Variants in GC observed in about 807,000 individuals in gnomAD.
GC encodes GC vitamin D binding protein.
A neutral mutation model predicts 56.7 loss-of-function variants in GC; 43 were observed. The observed-to-expected ratio is 0.76, with a 90% CI of 0.59 to 0.98. The LOEUF is 0.98. GC is among the 50% of genes least tolerant of loss of function. The probability of loss-of-function intolerance (pLI) is 0.00; values close to 1 mark genes in which losing one functional copy is unlikely to be tolerated. For synonymous variants in GC, 216 were observed against 202.7 expected (o/e 1.07, Z -0.56); for missense variants, 529 against 545.9 (o/e 0.97, Z 0.31).
chr4:71,742,065 T>G (rs1246071627), intron 12 of GC, among the ~76,000 whole-genome samples, 195 bp from the exon 13 acceptor site: 2 of 152,152 alleles, frequency 1.3e-5, no homozygotes, highest in Admixed American at 1.3e-4. Context: ...GTTAAGACAG[T>G]CCAAATACCA....
intron 3 of GC, among the ~76,000 whole-genome samples, chr4:71,767,803 C>T (rs1323811485): frequency 6.6e-6 from 1 of 151,410 alleles, no homozygotes; most frequent in African/African-American, 2.4e-5. Flanking sequence ...GTTTTTTATC[C>T]CTCACCCCCT....
chr4:71,787,411 C>T (rs919463851), upstream of GC, among the ~76,000 whole-genome samples: 13 of 151,824 alleles, frequency 8.6e-5, no homozygotes, highest in South Asian at 6.2e-4. Context: ...CTCTATTTTA[C>T]GTGTCTGTTG....
At chr4:71,805,168 A>C (rs957621633), upstream of GC, among the ~76,000 whole-genome samples, 1 of 152,128 alleles carries the variant, frequency 6.6e-6, no homozygotes, top group Non-Finnish European at 1.5e-5. Context: ...AGGTCCCTTA[A>C]TTGAGCCTGG....
At chr4:71,763,362 G>T in intron 6 of GC, 46 bp downstream of exon 6, 1 of 988,924 alleles carries the variant, frequency 1.0e-6, no homozygotes, top group South Asian at 1.3e-5. Flanking sequence ...TGGATAGACA[G>T]TGCAGAACCA....
rs773813110 is a variant in GC, at chr4:71,765,590, G to A, written c.315C>T (p.His105=). ...SCESNSPFPV[H]PGTAECCTKE... ...TGGTGCAGCACTCAGCAGTGCCTGG[G>A]TGAACGGGGAATGGAGAATTACTTT... is the stretch of plus-strand genomic sequence containing the variant. Residue 105 remains histidine, a synonymous_variant, in exon 4 of 13, where the codon CAC becomes CAT. Coordinates refer to ENST00000273951, the MANE Select transcript of GC (RefSeq NM_000583.4). 9 of 1,613,694 alleles carry A rather than the reference G, an allele frequency of 5.6e-6. No individual in the cohort carries two copies. The South Asian group carries it at 8.8e-5, about 16-fold the overall frequency.
chr4:71,764,170 T>C (rs1578296869), intron 4 of GC, among the ~76,000 whole-genome samples: 1 of 152,062 alleles, frequency 6.6e-6, no homozygotes, highest in African/African-American at 2.4e-5. Context: ...CTTGTATAAA[T>C]TAGGTCTCAC....
At position 71,756,748 on chromosome 4, in the gene GC, T is replaced by C; in HGVS notation, c.998A>G (p.Asp333Gly). 2 of 1,613,754 alleles carry C rather than the reference T, an allele frequency of 1.2e-6. No homozygotes were observed. Among genetic ancestry groups the C allele is most frequent in the South Asian group, 2.2e-5 (2 of 91,088 alleles). ...LPDVELPTNK[D>G]VCDPGNTKVM... ...TTTGGTGTTTCCTGGATCACACACA[T>C]CTTTGTTTGTGGGCAACTCTACATC... Residue 333 changes from aspartate (D) to glycine (G), a missense_variant, in exon 8 of 13, where the codon GAT (aspartate) becomes GGT (glycine). Physicochemically the swap from Asp to Gly is moderately conservative, Grantham distance 94 (BLOSUM62 -1). Transcript: ENST00000273951.
rs868862102 is a variant in GC at position 71,765,549 on chromosome 4, C to T, written c.356G>A (p.Arg119Gln). The change falls in exon 4 of 13, where the codon CGA becomes CAA. Residue 119 changes from arginine (R) to glutamine (Q), a missense_variant. By Grantham distance (43) the Arg-to-Gln change is conservative. Coordinates refer to ENST00000273951, the MANE Select transcript of GC (RefSeq NM_000583.4). ...TTTCAGAGCAGCCATGCAGAGCTTT[C>T]GTTCCAGGCCCTCTTTGGTGCAGCA... is the stretch of plus-strand genomic sequence containing the variant. The part of the protein sequence containing the change: ...AECCTKEGLE[R>Q]KLCMAALKHQ... 8.1e-6 allele frequency: 13 copies of T among 1,613,596 alleles called. No homozygotes were observed. The highest frequency in any genetic ancestry group is 3.3e-5 in the South Asian group (3 of 91,074).
upstream of GC, among the ~76,000 whole-genome samples, chr4:71,805,210 G>A (rs1617403): frequency 8.4e-4 from 128 of 152,028 alleles, 2 homozygotes; most frequent in South Asian, 1.7e-3. Context: ...TTAAGCAGCT[G>A]TTTCAATACT....
intron 1 of GC, among the ~76,000 whole-genome samples, chr4:71,782,807 C>A (rs566809710): frequency 6.6e-6 from 1 of 151,788 alleles, no homozygotes; most frequent in South Asian, 2.1e-4. Context: ...AAATCCTTGG[C>A]CAAAAGAATA....
intron 6 of GC, among the ~76,000 whole-genome samples, chr4:71,762,030 C>T (rs1741997209): frequency 6.6e-6 from 1 of 152,182 alleles, no homozygotes; most frequent in Non-Finnish European, 1.5e-5. Context: ...GGCCACCGTT[C>T]TCCAGACCCC....
In GC at chr4:71,763,610, A is replaced by T. The variant is rs1374455259; in HGVS notation, c.607-108T>A. On this transcript the variant is annotated intron_variant, in intron 5 of 12. Transcript: ENST00000273951. ...TTCATGATTTTTTAATGAATAGGAA[A>T]CTGAACACTGGTGAAAGGAACTTAT... 6.5e-6 allele frequency: 5 copies of T among 768,748 alleles called. No individual in the cohort carries two copies. The East Asian group carries it at 1.0e-4, about 15-fold the overall frequency. The allele number at this position is 768,748 out of a possible 1,614,324, so 47.6% of individuals were successfully genotyped here.
At chr4:71,797,299 A>G (rs1296891742) in intron 1 of GC, among the ~76,000 whole-genome samples, 3 of 152,244 alleles carry the variant, frequency 2.0e-5, no homozygotes, top group South Asian at 2.1e-4. Context: ...CTGAGGTGAC[A>G]TCTGTAGAGG....
intron 12 of GC, among the ~76,000 whole-genome samples, chr4:71,743,879 T>A (rs1018476960): frequency 8.5e-5 from 13 of 152,162 alleles, no homozygotes; most frequent in Non-Finnish European, 4.4e-5. Context: ...ATGTGAATAA[T>A]TTTAGGAAGG....
chr4:71,777,858 G>A (rs1284178640), intron 1 of GC, among the ~76,000 whole-genome samples: 3 of 151,458 alleles, frequency 2.0e-5, no homozygotes, highest in Middle Eastern at 3.4e-3. Flanking sequence ...GACACAGGGA[G>A]GGGAACATCA....
rs111893487 is a variant in GC, at chr4:71,802,332, G to A, written c.21+1594C>T. On this transcript the variant is annotated intron_variant, in intron 1 of 13. Transcript: ENST00000504199. ...TTTCTGGATTGACATTTACCTTCTA[G>A]GATTATGCACATGCAAAACGAGATT... 1.7e-4 allele frequency among the ~76,000 whole-genome samples: 26 copies of A among 152,058 alleles called. 2 individuals carry two copies. Among genetic ancestry groups the A allele is most frequent in the African/African-American group, 6.3e-4 (26 of 41,490 alleles).
At position 71,741,761 on chromosome 4, in the gene GC, A is replaced by G; in HGVS notation, c.*135T>C. The G allele has an allele frequency of 1.4e-6, 1 of 697,124 alleles. No individual in the cohort carries two copies. Among genetic ancestry groups the G allele is most frequent in the Non-Finnish European group, 2.6e-6 (1 of 383,422 alleles). 43.2% of individuals were successfully genotyped at this position (697,124 alleles called of 1,614,324 possible). A position where few individuals can be genotyped will look rare whatever the true frequency, so the allele number is the denominator to read the frequency against. On this transcript the variant is annotated 3_prime_UTR_variant, in exon 13 of 13. Coordinates refer to ENST00000273951, the MANE Select transcript of GC (RefSeq NM_000583.4). ...ATCATACTTGTCATTGTATGAAGAT[A>G]TTGTAGCTAGAAAAAGTAGAAAGTA...
At position 71,755,072 on chromosome 4, in the gene GC, G is replaced by A. The variant is rs139133782; in HGVS notation, c.1070C>T (p.Pro357Leu). Reference sequence around the variant, plus strand: ...AAGTACCTTACTGAGGAATACTTCCGGAAGATGAGTCCTTCTGCTTAGTTC... The same window carrying A: ...AAGTACCTTACTGAGGAATACTTCCAGAAGATGAGTCCTTCTGCTTAGTTC... Reference protein sequence around the residue: ...TFELSRRTHLPEVFLSKVLEP... With the variant: ...TFELSRRTHLLEVFLSKVLEP... The change falls in exon 9 of 13, where the codon CCG becomes CTG. Residue 357 changes from proline to leucine, a missense_variant. Pro to Leu is a moderately conservative substitution (Grantham distance 98). Coordinates refer to ENST00000273951, the MANE Select transcript of GC (RefSeq NM_000583.4). 7.0e-5 allele frequency: 111 copies of A among 1,591,676 alleles called. No individual in the cohort carries two copies. The African/African-American group carries it at 9.3e-4, about 13-fold the overall frequency.
chr4:71,764,108 A>T (rs1375990741), intron 4 of GC, among the ~76,000 whole-genome samples, 172 bp from the exon 5 acceptor site: 1 of 152,122 alleles, frequency 6.6e-6, no homozygotes, highest in Non-Finnish European at 1.5e-5. Context: ...CAGCTTCCTG[A>T]GTAGCTGGGA....
Sources: allele counts gnomAD v4.1 joint callset (sites outside exome capture counted in the v4.1 genomes callset), GRCh38; gene constraint gnomAD v4.1.1; transcripts MANE v1.5; gene names NCBI Gene and HGNC (gene_info 2026-07-23, HGNC 2026-07-21).